Variants in SLC25A21 observed in about 807,000 individuals in gnomAD.
The protein encoded by SLC25A21 is solute carrier family 25 member 21.
A neutral mutation model predicts 43.8 loss-of-function variants in SLC25A21; 47 were observed. The observed-to-expected ratio is 1.07, with a 90% CI of 0.85 to 1.37. SLC25A21 has a LOEUF of 1.37. SLC25A21 is among the 40% of genes most tolerant of loss of function. The pLI is 0.00. For synonymous variants in SLC25A21, 131 were observed against 121.3 expected, an observed-to-expected ratio of 1.08 and a Z score of -0.52; for missense variants, 352 against 350.2, an observed-to-expected ratio of 1.00 and a Z score of -0.04.
chr14:37,101,325 T>G (rs779243407), intron 1 of SLC25A21, among the ~76,000 whole-genome samples: 1 of 152,188 alleles, frequency 6.6e-6, no homozygotes, highest in Non-Finnish European at 1.5e-5. Context: ...ACACAGAAGT[T>G]TTATGAGACC....
At chr14:37,106,729 C>G (rs1480001096) in intron 1 of SLC25A21, among the ~76,000 whole-genome samples, 1 of 133,038 alleles carries the variant, frequency 7.5e-6, no homozygotes, top group Non-Finnish European at 1.7e-5. Flanking sequence ...ACTCCCTGTT[C>G]TTACACCCCC....
At chr14:36,693,202 T>G (rs1356899866) in intron 7 of SLC25A21, among the ~76,000 whole-genome samples, 4 of 152,220 alleles carry the variant, frequency 2.6e-5, no homozygotes, top group African/African-American at 9.6e-5. Context: ...GAAAATCACT[T>G]TAAAATTTCC....
chr14:37,116,629 C>T (rs546593187), intron 1 of SLC25A21, among the ~76,000 whole-genome samples: 5 of 152,182 alleles, frequency 3.3e-5, no homozygotes, highest in Admixed American at 6.5e-5. Flanking sequence ...TTAAATTTAT[C>T]GGAACAATAT....
intron 1 of SLC25A21, among the ~76,000 whole-genome samples, chr14:36,889,808 T>C (rs930181863): frequency 3.9e-5 from 6 of 152,142 alleles, no homozygotes; most frequent in Admixed American, 3.9e-4. Context: ...AAAATTAATG[T>C]TTGATTTCAG....
intron 1 of SLC25A21, among the ~76,000 whole-genome samples, chr14:37,116,290 A>T (rs542530715): frequency 6.6e-6 from 1 of 152,166 alleles, no homozygotes; most frequent in Non-Finnish European, 1.5e-5. Flanking sequence ...CCGGGTAGAT[A>T]ATCTTTCACT....
At chr14:36,743,360 T>C (rs973384684) in intron 3 of SLC25A21, among the ~76,000 whole-genome samples, 1 of 151,648 alleles carries the variant, frequency 6.6e-6, no homozygotes, top group Non-Finnish European at 1.5e-5. Flanking sequence ...ATGAACACTT[T>C]CCACTAGGAA....
chr14:36,943,348 C>T (rs187262941), intron 1 of SLC25A21, among the ~76,000 whole-genome samples: 118 of 152,222 alleles, frequency 7.8e-4, no homozygotes, highest in Non-Finnish European at 5.7e-4. Context: ...CGCTCCACCA[C>T]ACCCGGCTAA....
At chr14:36,876,236 C>T (rs1007610073) in intron 1 of SLC25A21, among the ~76,000 whole-genome samples, 1 of 152,186 alleles carries the variant, frequency 6.6e-6, no homozygotes, top group African/African-American at 2.4e-5. Context: ...CCCATACTGA[C>T]CAGGTCCAGA....
intron 3 of SLC25A21, among the ~76,000 whole-genome samples, chr14:36,769,017 G>T (rs1886520718): frequency 6.6e-6 from 1 of 151,520 alleles, no homozygotes; most frequent in African/African-American, 2.4e-5. Flanking sequence ...TCACTTCAAG[G>T]TAATTAAAAA....
chr14:36,689,767 A>C (rs151088978), intron 7 of SLC25A21, among the ~76,000 whole-genome samples: 1 of 152,330 alleles, frequency 6.6e-6, no homozygotes, highest in African/African-American at 2.4e-5. Flanking sequence ...CTGGGAATGG[A>C]GCCCAGCTAC....
intron 1 of SLC25A21, among the ~76,000 whole-genome samples, chr14:37,131,183 G>C (rs1401357343): frequency 1.3e-5 from 2 of 152,190 alleles, no homozygotes; most frequent in East Asian, 1.9e-4. Flanking sequence ...AGGAAAGGAA[G>C]TTAAATGCCG....
chr14:37,161,047 T>C (rs946039477), intron 1 of SLC25A21, among the ~76,000 whole-genome samples: 5 of 151,140 alleles, frequency 3.3e-5, no homozygotes, highest in African/African-American at 4.9e-5. Flanking sequence ...CAATGTCTCA[T>C]AGCAGAGTAG....
intron 1 of SLC25A21, among the ~76,000 whole-genome samples, chr14:36,959,949 T>A (rs536966884): frequency 6.6e-6 from 1 of 152,186 alleles, no homozygotes; most frequent in African/African-American, 2.4e-5. Flanking sequence ...GTAATGATCA[T>A]ATAATGTCTG....
intron 2 of SLC25A21, among the ~76,000 whole-genome samples, chr14:36,853,787 T>C (rs911213237): frequency 2.0e-5 from 3 of 152,186 alleles, no homozygotes; most frequent in Non-Finnish European, 2.9e-5. Flanking sequence ...CAACACCCTA[T>C]TTATTTAGAG....
At chr14:36,824,266 T>C (rs1030765835) in intron 2 of SLC25A21, among the ~76,000 whole-genome samples, 3 of 152,122 alleles carry the variant, frequency 2.0e-5, no homozygotes, top group Admixed American at 1.3e-4. Context: ...ATTGGGGGAA[T>C]GGAGATACTA....
At chr14:36,953,672 A>G (rs1159075943) in intron 1 of SLC25A21, among the ~76,000 whole-genome samples, 3 of 152,172 alleles carry the variant, frequency 2.0e-5, no homozygotes, top group African/African-American at 7.2e-5. Context: ...CAACATAAAA[A>G]TTTTTTCAGC....
At chr14:36,982,125 C>A (rs1474284105) in intron 1 of SLC25A21, among the ~76,000 whole-genome samples, 3 of 140,592 alleles carry the variant, frequency 2.1e-5, no homozygotes, top group Non-Finnish European at 2.9e-5. Flanking sequence ...ATGATGTGAT[C>A]TCATTATTTA....
intron 1 of SLC25A21, among the ~76,000 whole-genome samples, chr14:37,026,841 T>C (rs926040339): frequency 2.6e-5 from 4 of 152,146 alleles, no homozygotes; most frequent in Non-Finnish European, 4.4e-5. Context: ...ATTTAAATAA[T>C]AGTTGTCCCG....
chr14:36,858,051 G>T (rs1889954592), intron 2 of SLC25A21, among the ~76,000 whole-genome samples: 1 of 152,158 alleles, frequency 6.6e-6, no homozygotes, highest in African/African-American at 2.4e-5. Context: ...GACAAGGAGG[G>T]TTATAATTTG....
Sources: gnomAD v4.1 joint callset for allele counts (sites outside exome capture counted in the v4.1 genomes callset) on GRCh38, gnomAD v4.1.1 for gene constraint, MANE v1.5 for transcripts, NCBI Gene and HGNC (gene_info 2026-07-23, HGNC 2026-07-21) for gene names.